MAN2A2: variants seen among roughly 807,000 people sequenced by gnomAD.
MAN2A2 encodes the protein alpha-mannosidase 2x.
A neutral mutation model predicts 126.8 loss-of-function variants in MAN2A2; 79 were observed. The observed-to-expected ratio is 0.62, with a 90% CI of 0.52 to 0.75. MAN2A2 has a LOEUF of 0.75. Among genes scored for constraint, MAN2A2 ranks in the 30% least tolerant of loss-of-function variants. MAN2A2 has a pLI of 0.00. For synonymous variants in MAN2A2, 671 were observed against 618.7 expected, an observed-to-expected ratio of 1.08 and a Z score of -1.25; for missense variants, 1,392 against 1,522.4, an observed-to-expected ratio of 0.91 and a Z score of 1.43.
chr15:90,916,362 G>T, intron 20 of MAN2A2, 106 bp downstream of exon 20: 1 of 1,441,138 alleles, frequency 6.9e-7, no homozygotes, highest in Non-Finnish European at 9.4e-7. Flanking sequence ...GTGGGCAAGA[G>T]AGAGAGAGTA....
At position 90,922,445 on chromosome 15, in the gene MAN2A2, A is replaced by G. The variant is rs2035582801; in HGVS notation, c.*2658A>G. 6.6e-6 allele frequency: 1 copy of G among 152,212 alleles called. No individual in the cohort carries two copies. The highest frequency in any genetic ancestry group is 6.5e-5 in the Admixed American group (1 of 15,276). The allele number at this position is 152,212 out of a possible 1,614,324, so 9.4% of individuals were successfully genotyped here. On this transcript the variant is annotated 3_prime_UTR_variant, in exon 23 of 23. Coordinates refer to ENST00000559717, the MANE Select transcript of MAN2A2 (RefSeq NM_006122.4). Reference sequence around the variant, plus strand: ...GAGAGCTCCACAAATGTGAGCTATAATCCTACTAGTAAAGGATGCTAAGCA... The same window carrying G: ...GAGAGCTCCACAAATGTGAGCTATAGTCCTACTAGTAAAGGATGCTAAGCA...
Position 90,909,463 on chromosome 15 carries a change from C to G in MAN2A2, c.1333C>G (p.Leu445Val), listed in dbSNP as rs2034551136. ...TGCCCAGTTCTTCAACTACCAACGG[C>G]TCTTTGACTTCTTCAACAGCAGGCC... ...WDAQFFNYQR[L>V]FDFFNSRPNL... The change falls in exon 9 of 23, where the codon CTC (leucine) becomes GTC (valine). Residue 445 changes from leucine to valine, a missense_variant. By Grantham distance (32) the Leu-to-Val change is conservative. Transcript: ENST00000559717. The G allele has an allele frequency of 3.1e-6, 5 of 1,614,138 alleles. No individual in the cohort carries two copies. The highest frequency in any genetic ancestry group is 4.2e-6 in the Non-Finnish European group (5 of 1,179,970).
intron 16 of MAN2A2, 97 bp from the exon 17 acceptor site, chr15:90,912,780 G>T: frequency 6.4e-7 from 1 of 1,561,144 alleles, no homozygotes. Flanking sequence ...GCCCAGGGGT[G>T]TCTGGGAATA....
In MAN2A2 at chr15:90,904,338, G is replaced by A. The variant is rs746027112; in HGVS notation, c.131G>A (p.Arg44Gln). 5 of 1,613,262 alleles carry A rather than the reference G, an allele frequency of 3.1e-6. No homozygotes were observed. The highest frequency in any genetic ancestry group is 2.2e-5 in the East Asian group (1 of 44,862). Residue 44 changes from arginine to glutamine, a missense_variant and splice_region_variant, in exon 2 of 23, where the codon CGG (arginine) becomes CAG (glutamine). By Grantham distance (43) the Arg-to-Gln change is conservative (BLOSUM62 1). Transcript: ENST00000559717. ...CACCAGAATGGTGGGAACTTCCCCC[G>A]GGTGAGTCGTGCCTGGTTGCTAATT... The part of the protein sequence containing the change: ...TRHQNGGNFP[R>Q]SQISVLQNRI...
intron 19 of MAN2A2, among the ~76,000 whole-genome samples, chr15:90,915,255 G>A (rs1266489): frequency 0.54 from 81,983 of 152,126 alleles, 25,335 homozygotes; most frequent in East Asian, 0.97. Context: ...TCTTTCTGTG[G>A]TTGTTCTGGG....
chr15:90,905,615 G>A lies in MAN2A2; in HGVS notation c.427G>A (p.Val143Met), dbSNP rs577232245. Residue 143 changes from valine to methionine, a missense_variant, in exon 4 of 23, where the codon GTG becomes ATG. By Grantham distance (21) the Val-to-Met change is conservative (BLOSUM62 1). Coordinates refer to ENST00000559717, the MANE Select transcript of MAN2A2 (RefSeq NM_006122.4). ...GTCGGAGGAGCTGCCGTTTGACAAC[G>A]TGGATGGTGGTGTGTGGAGGCAAGG... is the stretch of plus-strand genomic sequence containing the variant. ...TVSEELPFDN[V>M]DGGVWRQGFD... is the part of the protein sequence containing the mutation. The A allele has an allele frequency of 7.4e-6, 12 of 1,614,228 alleles. No individual in the cohort carries two copies. The highest frequency in any genetic ancestry group is 5.3e-5 in the African/African-American group (4 of 75,068).
In MAN2A2 at chr15:90,910,948, C is replaced by T. The variant is rs749421611; in HGVS notation, c.1862C>T (p.Pro621Leu). ...ACCTACCACTTTGACCCTGAGGCGC[C>T]CTTCCTCCAAGTGGTGAGCCCCTCC... ...KETYHFDPEA[P>L]FLQVDDTRLS... Residue 621 changes from proline to leucine, a missense_variant, in exon 12 of 23, where the codon CCC (proline) becomes CTC (leucine). By Grantham distance (98) the Pro-to-Leu change is moderately conservative. Transcript: ENST00000559717. The T allele has an allele frequency of 1.2e-6, 2 of 1,613,900 alleles. No individual in the cohort carries two copies. The highest frequency in any genetic ancestry group is 1.7e-6 in the Non-Finnish European group (2 of 1,179,832).
At position 90,912,154 on chromosome 15, in the gene MAN2A2, C is replaced by T. The variant is rs2034803422; in HGVS notation, c.2221C>T (p.Arg741Trp). The change falls in exon 15 of 23, where the codon CGG (arginine) becomes TGG (tryptophan). Residue 741 changes from arginine (R) to tryptophan (W), a missense_variant. Transcript: ENST00000559717. Reference sequence around the variant, plus strand: ...CTCTGTGCGCATCTACCTGCACGGCCGGCAGCTGTCCGTCAGCAGGCACGA... The same window carrying T: ...CTCTGTGCGCATCTACCTGCACGGCTGGCAGCTGTCCGTCAGCAGGCACGA... The part of the protein sequence containing the change: ...PSSVRIYLHG[R>W]QLSVSRHEAF... 7 of 1,613,916 alleles carry T rather than the reference C, an allele frequency of 4.3e-6. No individual in the cohort carries two copies. The highest frequency in any genetic ancestry group is 1.1e-5 in the South Asian group (1 of 91,086).
intron 9 of MAN2A2, among the ~76,000 whole-genome samples, 173 bp downstream of exon 9, chr15:90,909,677 C>T (rs1391359692): frequency 1.3e-5 from 2 of 151,162 alleles, no homozygotes; most frequent in African/African-American, 4.9e-5. Flanking sequence ...GATCTTGGCT[C>T]ACTGCCAGCT....
In MAN2A2 at chr15:90,919,751, C is replaced by T. The variant is rs779945686; in HGVS notation, c.3417C>T (p.Pro1139=). The change falls in exon 23 of 23, where the codon CCC becomes CCT. Residue 1139 remains proline (P), a synonymous_variant. Transcript: ENST00000559717. Reference sequence around the variant, plus strand: ...ACAGCACTGACGTCTATTTGGAGCCCATGGAGATTGCTACCTTTCGCCTCC... The same window carrying T: ...ACAGCACTGACGTCTATTTGGAGCCTATGGAGATTGCTACCTTTCGCCTCC... ...PSNSTDVYLE[P]MEIATFRLRL... is the part of the protein sequence containing the mutation. 1 of 1,614,198 alleles carries T rather than the reference C, an allele frequency of 6.2e-7. No homozygotes were observed. Among genetic ancestry groups the T allele is most frequent in the African/African-American group, 1.3e-5 (1 of 75,044 alleles).
chr15:90,911,551 G>T lies in MAN2A2; in HGVS notation c.2109+1G>T. On this transcript the variant is annotated splice_donor_variant, in intron 14 of 22. Transcript: ENST00000559717. LOFTEE classifies it high-confidence loss of function. ...CGAGGCGGTCCCTGACGTCTACCAG[G>T]TGAGGTGTGGGCTTGTCAGGTGGGC... 6.2e-7 allele frequency: 1 copy of T among 1,609,524 alleles called. No individual in the cohort carries two copies. Among genetic ancestry groups the T allele is most frequent in the Non-Finnish European group, 8.5e-7 (1 of 1,177,968 alleles).
chr15:90,904,200 A>T lies in MAN2A2; in HGVS notation c.-8A>T, dbSNP rs779729644. ...TGTCCTTCCTGCCAGGTGTGTGTGG[A>T]GGCCAGTATGAAGCTGAAAAAGCAG... is the stretch of plus-strand genomic sequence containing the variant. On this transcript the variant is annotated 5_prime_UTR_variant, in exon 2 of 23. Coordinates refer to ENST00000559717, the MANE Select transcript of MAN2A2 (RefSeq NM_006122.4). The T allele has an allele frequency of 6.2e-7, 1 of 1,614,116 alleles. No individual in the cohort carries two copies. Among genetic ancestry groups the T allele is most frequent in the Non-Finnish European group, 8.5e-7 (1 of 1,180,002 alleles).
chr15:90,919,720 C>T lies in MAN2A2; in HGVS notation c.3386C>T (p.Pro1129Leu), dbSNP rs182134455. Residue 1129 changes from proline to leucine, a missense_variant, in exon 23 of 23, where the codon CCG becomes CTG. Physicochemically the swap from Pro to Leu is moderately conservative, Grantham distance 98. Coordinates refer to ENST00000559717, the MANE Select transcript of MAN2A2 (RefSeq NM_006122.4). ...ACGTTACTGTACCCTCTGGCCTCCC[C>T]GTCCAACAGCACTGACGTCTATTTG... The part of the protein sequence containing the change: ...SLTLLYPLAS[P>L]SNSTDVYLEP... The T allele has an allele frequency of 2.6e-4, 421 of 1,614,214 alleles. 1 individual carries two copies. The East Asian group carries it at 8.0e-3, about 31-fold the overall frequency.
Position 90,906,155 on chromosome 15 carries a change from G to A in MAN2A2, c.707+139G>A, listed in dbSNP as rs553831860. 5.0e-5 allele frequency: 68 copies of A among 1,363,012 alleles called. No homozygotes were observed. In the South Asian group the frequency reaches 8.0e-4, roughly 16 times the overall value. The allele number at this position is 1,363,012 out of a possible 1,614,324, so 84.4% of individuals were successfully genotyped here. Reference sequence around the variant, plus strand: ...TGGAAGAGATGAGTGATGGTGGAGGGAGGGAAGGCAAAAACAGATAGGTTC... The same window carrying A: ...TGGAAGAGATGAGTGATGGTGGAGGAAGGGAAGGCAAAAACAGATAGGTTC... On this transcript the variant is annotated intron_variant, in intron 5 of 22. Coordinates refer to ENST00000559717, the MANE Select transcript of MAN2A2 (RefSeq NM_006122.4).
chr15:90,916,697 G>A, intron 20 of MAN2A2: 1 of 1,280,710 alleles, frequency 7.8e-7, no homozygotes, highest in South Asian at 1.2e-5. Context: ...ACTAGTACGA[G>A]CAAGGTGTAG....
rs2035585541 is a variant in MAN2A2 at position 90,922,531 on chromosome 15, T to C, written c.*2744T>C. ...TTGTAATCAAACAATAGGAGGGGAA[T>C]CTGTGAACGCCTAGAAAATGAGCAG... On this transcript the variant is annotated 3_prime_UTR_variant, in exon 23 of 23. Transcript: ENST00000559717. The C allele has an allele frequency of 6.6e-6, 1 of 152,076 alleles. No individual in the cohort carries two copies. The highest frequency in any genetic ancestry group is 2.1e-4 in the South Asian group (1 of 4,828). 9.4% of individuals were successfully genotyped at this position (152,076 alleles called of 1,614,324 possible).
Position 90,905,984 on chromosome 15 carries a change from C to T in MAN2A2, c.675C>T (p.Asn225=), listed in dbSNP as rs2034248490. 3.7e-6 allele frequency: 6 copies of T among 1,614,026 alleles called. No individual in the cohort carries two copies. Among genetic ancestry groups the T allele is most frequent in the Non-Finnish European group, 5.1e-6 (6 of 1,180,026 alleles). The change falls in exon 5 of 23, where the codon AAC becomes AAT. Residue 225 remains asparagine, a synonymous_variant. Coordinates refer to ENST00000559717, the MANE Select transcript of MAN2A2 (RefSeq NM_006122.4). ...EVSFFAKWWD[N]INVQKRAAVR... is the part of the protein sequence containing the mutation. Reference sequence around the variant, plus strand: ...CCTTCTTCGCCAAGTGGTGGGACAACATCAATGTCCAAAAGAGAGCGGCAG... The same window carrying T: ...CCTTCTTCGCCAAGTGGTGGGACAATATCAATGTCCAAAAGAGAGCGGCAG...
rs1471057003 is a variant in MAN2A2, at chr15:90,910,844, C to T, written c.1761-3C>T. 1.9e-6 allele frequency: 3 copies of T among 1,613,154 alleles called. No individual in the cohort carries two copies. The highest frequency in any genetic ancestry group is 2.5e-6 in the Non-Finnish European group (3 of 1,179,226). On this transcript the variant is annotated splice_region_variant and splice_polypyrimidine_tract_variant and intron_variant, in intron 11 of 22. Coordinates refer to ENST00000559717, the MANE Select transcript of MAN2A2 (RefSeq NM_006122.4). ...CTCCTTCCCTCTCCTGCGCCACCCA[C>T]AGGCTTCTGCGCTCCCTTGTCAACC... is the stretch of plus-strand genomic sequence containing the variant.
rs367545009 is a variant in MAN2A2, at chr15:90,910,814, C to T, written c.1761-33C>T. On this transcript the variant is annotated intron_variant, in intron 11 of 22. Coordinates refer to ENST00000559717, the MANE Select transcript of MAN2A2 (RefSeq NM_006122.4). The stretch of plus-strand genomic sequence containing the variant: ...AGGCAGACAGCTTCCCTATGGTCAT[C>T]TTCTCTCCTTCCCTCTCCTGCGCCA... 3.1e-6 allele frequency: 5 copies of T among 1,605,078 alleles called. No individual in the cohort carries two copies. In the African/African-American group the frequency reaches 5.4e-5, roughly 17 times the overall value.
Sources: allele counts gnomAD v4.1 joint callset (sites outside exome capture counted in the v4.1 genomes callset), GRCh38; gene constraint gnomAD v4.1.1; transcripts MANE v1.5; gene names NCBI Gene and HGNC (gene_info 2026-07-23, HGNC 2026-07-21).